KIN: variants seen among roughly 807,000 people sequenced by gnomAD.
KIN encodes the protein DNA/RNA-binding protein KIN17.
Under a neutral mutation model 63.0 loss-of-function variants are expected in KIN, and 47 were observed. The observed-to-expected ratio is 0.75, with a 90% CI of 0.59 to 0.95. The LOEUF is 0.95. Ranked by LOEUF, KIN falls within the 40% of genes least tolerant of loss-of-function variation. The pLI, the probability that KIN is intolerant of heterozygous loss-of-function variation, is 0.00. For synonymous variants in KIN, 160 were observed against 157.7 expected (o/e 1.01, Z -0.11); for missense variants, 408 against 460.9 (o/e 0.89, Z 1.05).
At chr10:7,766,315 T>C (rs1309062158) in intron 8 of KIN, 3 of 437,016 alleles carry the variant, frequency 6.9e-6, no homozygotes, top group Non-Finnish European at 1.2e-5. Context: ...TAAAAGTATA[T>C]AATAAAGCAA....
At chr10:7,767,955 A>G (rs998706356) in intron 8 of KIN, among the ~76,000 whole-genome samples, 1 of 151,870 alleles carries the variant, frequency 6.6e-6, no homozygotes, top group Non-Finnish European at 1.5e-5. Flanking sequence ...AAATAATATT[A>G]AAGAAAAAAA....
In KIN at chr10:7,780,256, A is replaced by C; in HGVS notation, c.253+8T>G. The C allele has an allele frequency of 6.2e-7, 1 of 1,609,510 alleles. No homozygotes were observed. The highest frequency in any genetic ancestry group is 8.5e-7 in the Non-Finnish European group (1 of 1,178,694). ...AGCTGTTATTTGCACAATATTTAAA[A>C]TGTTTACCAAAGCGTCTCCTGAGAA... is the stretch of plus-strand genomic sequence containing the variant. On this transcript the variant is annotated splice_region_variant and intron_variant, in intron 3 of 12. Coordinates refer to ENST00000379562, the MANE Select transcript of KIN (RefSeq NM_012311.4).
At chr10:7,764,524 T>C (rs1239546977) in intron 9 of KIN, among the ~76,000 whole-genome samples, 1 of 152,210 alleles carries the variant, frequency 6.6e-6, no homozygotes. Context: ...AGTGAATATA[T>C]CAAAGAGATG....
At chr10:7,772,899 GAA>G (rs1308186558) in intron 7 of KIN, among the ~76,000 whole-genome samples, 1 of 152,232 alleles carries the variant, frequency 6.6e-6, no homozygotes, top group African/African-American at 2.4e-5. Context: ...CATTATCTAA[GAA>G]AAGAGTCTTT....
chr10:7,775,666 A>G, intron 6 of KIN, 85 bp downstream of exon 6: 2 of 660,278 alleles, frequency 3.0e-6, no homozygotes, highest in Non-Finnish European at 5.0e-6. Flanking sequence ...TCTTATTCTC[A>G]GATATGTTGA....
chr10:7,770,053 C>A (rs1405436927), intron 7 of KIN, among the ~76,000 whole-genome samples: 1 of 152,162 alleles, frequency 6.6e-6, no homozygotes, highest in African/African-American at 2.4e-5. Flanking sequence ...GCCTCAGCCT[C>A]CCAAGTAGCT....
intron 10 of KIN, among the ~76,000 whole-genome samples, chr10:7,763,438 T>C (rs1285422818): frequency 1.3e-5 from 2 of 152,166 alleles, no homozygotes; most frequent in African/African-American, 4.8e-5. Context: ...TACATTTTAC[T>C]GACAAGCAAG....
At chr10:7,771,016 C>T (rs55945692) in intron 7 of KIN, among the ~76,000 whole-genome samples, 10,927 of 152,198 alleles carry the variant, frequency 0.072, 1,325 homozygotes, top group African/African-American at 0.25. Context: ...AAATTTTACT[C>T]ACTGGGTTTT....
At chr10:7,766,886 G>A (rs1291064203) in intron 8 of KIN, among the ~76,000 whole-genome samples, 1 of 151,966 alleles carries the variant, frequency 6.6e-6, no homozygotes, top group Non-Finnish European at 1.5e-5. Context: ...GCCAGGCGTG[G>A]TGGTGCATGC....
intron 9 of KIN, among the ~76,000 whole-genome samples, chr10:7,764,749 A>C (rs1835504608): frequency 6.6e-6 from 1 of 152,250 alleles, no homozygotes; most frequent in Non-Finnish European, 1.5e-5. Context: ...CTAATTTCTC[A>C]AACGCTCTCA....
At chr10:7,769,407 G>A in intron 7 of KIN, 62 bp from the exon 8 acceptor site, 3 of 1,513,250 alleles carry the variant, frequency 2.0e-6, no homozygotes, top group Non-Finnish European at 9.0e-7. Flanking sequence ...GCTTTACGAT[G>A]TGCAAAATTC....
intron 11 of KIN, chr10:7,761,480 T>A (rs529908801): frequency 6.6e-6 from 1 of 152,210 alleles, no homozygotes; most frequent in East Asian, 1.9e-4. Flanking sequence ...AACACAGACT[T>A]TCACTTGACT....
intron 5 of KIN, among the ~76,000 whole-genome samples, chr10:7,776,895 T>TAA (rs79346729): frequency 7.1e-6 from 1 of 140,192 alleles, no homozygotes; most frequent in Admixed American, 7.1e-5. Flanking sequence ...CCATCTCTAT[T>TAA]AAAAAAAAAA....
intron 5 of KIN, 35 bp downstream of exon 5, chr10:7,778,803 G>A (rs1454572898): frequency 6.3e-7 from 1 of 1,599,162 alleles, no homozygotes; most frequent in African/African-American, 1.4e-5. Flanking sequence ...TTAGACCTCT[G>A]GACGTTGCTT....
At position 7,758,391 on chromosome 10, in the gene KIN, G is replaced by A. The variant is rs73628480; in HGVS notation, c.1119+1499C>T. 1.0e-2 allele frequency among the ~76,000 whole-genome samples: 1,520 copies of A among 152,256 alleles called. 35 individuals carry two copies. Among genetic ancestry groups the A allele is most frequent in the African/African-American group, 0.034 (1,432 of 41,546 alleles). ...AGCTGGTAGATTCCCTCTTCTAAAA[G>A]AAGTACATGTTGCTTTGCAATCAAA... On this transcript the variant is annotated intron_variant, in intron 12 of 12. Coordinates refer to ENST00000379562, the MANE Select transcript of KIN (RefSeq NM_012311.4).
chr10:7,774,211 C>G (rs866635528), intron 7 of KIN, among the ~76,000 whole-genome samples: 3 of 152,204 alleles, frequency 2.0e-5, no homozygotes, highest in Non-Finnish European at 2.9e-5. Flanking sequence ...GCTAGACTAC[C>G]TAGAAGGGCG....
chr10:7,766,833 C>T (rs1009291520), intron 8 of KIN, among the ~76,000 whole-genome samples: 4 of 151,816 alleles, frequency 2.6e-5, no homozygotes, highest in East Asian at 1.9e-4. Context: ...ACTAGCCTGG[C>T]GAACACAGTG....
chr10:7,785,442 C>A (rs1216845370), intron 1 of KIN, among the ~76,000 whole-genome samples: 3 of 152,004 alleles, frequency 2.0e-5, no homozygotes, highest in Non-Finnish European at 4.4e-5. Context: ...AACAAGTCAA[C>A]ATATATGGGA....
chr10:7,754,381 T>C lies in KIN; in HGVS notation c.*1699A>G, dbSNP rs1310197242. 4.2e-6 allele frequency: 1 copy of C among 235,998 alleles called. No homozygotes were observed. Among genetic ancestry groups the C allele is most frequent in the Non-Finnish European group, 8.6e-6 (1 of 116,438 alleles). The allele number at this position is 235,998 out of a possible 1,614,324, so 14.6% of individuals were successfully genotyped here. On this transcript the variant is annotated 3_prime_UTR_variant, in exon 13 of 13. Coordinates refer to ENST00000379562, the MANE Select transcript of KIN (RefSeq NM_012311.4). The stretch of plus-strand genomic sequence containing the variant: ...GAGGCGTAGTGGCTCATGCCTGTAA[T>C]CCCAGCACTTTGGGAGGCTGAGGCG...
Sources: gnomAD v4.1 joint callset for allele counts (sites outside exome capture counted in the v4.1 genomes callset) on GRCh38, gnomAD v4.1.1 for gene constraint, MANE v1.5 for transcripts, NCBI Gene and HGNC (gene_info 2026-07-23, HGNC 2026-07-21) for gene names.